Variants in PCSK5 observed in about 807,000 individuals in gnomAD.
The protein encoded by PCSK5 is proprotein convertase subtilisin/kexin type 5, also known as prohormone convertase 5.
Under a neutral mutation model 233.2 loss-of-function variants are expected in PCSK5, and 129 were observed. The observed-to-expected ratio is 0.55, with a 90% confidence interval of 0.48 to 0.64. The LOEUF (loss-of-function observed/expected upper bound fraction) is 0.64, where lower values mean the gene tolerates loss of function less well. Ranked by LOEUF, PCSK5 falls within the 30% of genes least tolerant of loss-of-function variation. The pLI is 0.00. For synonymous variants in PCSK5, 825 were observed against 879.2 expected, an observed-to-expected ratio of 0.94 and a Z score of 1.09; for missense variants, 2,076 against 2,430.1, an observed-to-expected ratio of 0.85 and a Z score of 3.06.
intron 10 of PCSK5, among the ~76,000 whole-genome samples, chr9:76,146,732 C>G (rs529842036): frequency 1.3e-5 from 2 of 152,136 alleles, no homozygotes; most frequent in African/African-American, 4.8e-5. Context: ...GAAAGAAATA[C>G]TGTATGTCTT....
At chr9:75,933,087 G>T (rs1041182917) in intron 2 of PCSK5, among the ~76,000 whole-genome samples, 4 of 152,120 alleles carry the variant, frequency 2.6e-5, no homozygotes, top group Admixed American at 6.6e-5. Context: ...GTACCCCTGG[G>T]AGAGCCTAGA....
chr9:76,332,257 C>T (rs1829557516), intron 33 of PCSK5, among the ~76,000 whole-genome samples, 176 bp from the exon 34 acceptor site: 1 of 152,164 alleles, frequency 6.6e-6, no homozygotes. Flanking sequence ...GGCCTTAGGG[C>T]AATTCTGTTT....
At chr9:76,014,841 A>G (rs1479877300) in intron 3 of PCSK5, among the ~76,000 whole-genome samples, 1 of 152,192 alleles carries the variant, frequency 6.6e-6, no homozygotes, top group African/African-American at 2.4e-5. Flanking sequence ...ATGCCCCATC[A>G]TGAGTCAATG....
chr9:75,938,144 A>G (rs1388120552), intron 2 of PCSK5, among the ~76,000 whole-genome samples: 2 of 152,138 alleles, frequency 1.3e-5, no homozygotes, highest in African/African-American at 2.4e-5. Flanking sequence ...GGCTTTCGAC[A>G]TGTCTTTCTT....
chr9:76,273,576 C>CATATATATATAT (rs34398269), intron 24 of PCSK5, among the ~76,000 whole-genome samples: 31 of 118,152 alleles, frequency 2.6e-4, no homozygotes, highest in African/African-American at 8.2e-4. Context: ...TATATATATA[C>CATATATATATAT]ATATATATAT....
intron 4 of PCSK5, among the ~76,000 whole-genome samples, chr9:76,025,147 C>G (rs1266896702): frequency 1.3e-5 from 2 of 152,046 alleles, no homozygotes; most frequent in Non-Finnish European, 2.9e-5. Context: ...ATTTCAGGCT[C>G]TATGTACTAA....
In PCSK5 at chr9:76,087,228, G is replaced by A. The variant is rs117687797; in HGVS notation, c.895-8662G>A. Among the ~76,000 whole-genome samples the A allele has an allele frequency of 1.9e-3, 287 of 152,312 alleles. 3 individuals are homozygous for A. In the East Asian group the frequency reaches 0.04, roughly 21 times the overall value. On this transcript the variant is annotated intron_variant, in intron 7 of 37. Transcript: ENST00000674117. ...ACCCTTATGAAGAAAGGGCATCTCC[G>A]ATAAGGAAATTGATTCTACTAAGCC...
chr9:76,008,552 C>T (rs968557700), intron 3 of PCSK5, among the ~76,000 whole-genome samples: 1 of 151,962 alleles, frequency 6.6e-6, no homozygotes, highest in South Asian at 2.1e-4. Flanking sequence ...ACCTCTGCCT[C>T]CCAGGTTCAA....
intron 10 of PCSK5, among the ~76,000 whole-genome samples, chr9:76,141,172 G>T (rs1307709472): frequency 6.6e-6 from 1 of 152,038 alleles, no homozygotes; most frequent in Non-Finnish European, 1.5e-5. Flanking sequence ...TAATGAAATT[G>T]AACCACTTAT....
rs116873386 is a variant in PCSK5 at position 75,917,900 on chromosome 9, A to T, written c.193-14479A>T. On this transcript the variant is annotated intron_variant, in intron 1 of 37. Coordinates refer to ENST00000674117, the MANE Select transcript of PCSK5 (RefSeq NM_001372043.1). ...TAAGAAGAGCATTAACCTAAAGTAA[A>T]ATATGGCAGGACTTAATGGTTATGG... Among the ~76,000 whole-genome samples the T allele has an allele frequency of 6.7e-3, 1,013 of 152,284 alleles. 7 individuals carry two copies. The highest frequency in any genetic ancestry group is 8.1e-3 in the Non-Finnish European group (554 of 68,026).
At chr9:75,892,719 A>C (rs1825666772) in intron 1 of PCSK5, among the ~76,000 whole-genome samples, 1 of 152,226 alleles carries the variant, frequency 6.6e-6, no homozygotes, top group Non-Finnish European at 1.5e-5. Flanking sequence ...GAGAGGAGGC[A>C]GAGCTGCTGT....
chr9:76,176,702 T>A (rs1177314533), intron 14 of PCSK5, among the ~76,000 whole-genome samples: 1 of 152,234 alleles, frequency 6.6e-6, no homozygotes, highest in Non-Finnish European at 1.5e-5. Context: ...GCTCTTATAG[T>A]GGAAAATATT....
intron 32 of PCSK5, among the ~76,000 whole-genome samples, chr9:76,327,622 C>A (rs1403310398): frequency 6.6e-6 from 1 of 151,970 alleles, no homozygotes; most frequent in East Asian, 1.9e-4. Flanking sequence ...CAAGGTACTC[C>A]GGAGGTGAGT....
intron 20 of PCSK5, among the ~76,000 whole-genome samples, chr9:76,211,719 A>G (rs1825335651): frequency 6.6e-6 from 1 of 152,192 alleles, no homozygotes; most frequent in African/African-American, 2.4e-5. Flanking sequence ...ATGGCGGTGC[A>G]CGCCTGTGGT....
At chr9:76,222,823 A>G (rs1331361187) in intron 20 of PCSK5, among the ~76,000 whole-genome samples, 4 of 152,078 alleles carry the variant, frequency 2.6e-5, no homozygotes. Context: ...AAGTAGCTGA[A>G]AGTGTTGCTG....
At position 76,023,730 on chromosome 9, in the gene PCSK5, T is replaced by G; in HGVS notation, c.412-8T>G. 6.3e-7 allele frequency: 1 copy of G among 1,597,816 alleles called. No homozygotes were observed. Among genetic ancestry groups the G allele is most frequent in the Non-Finnish European group, 8.5e-7 (1 of 1,173,866 alleles). On this transcript the variant is annotated splice_polypyrimidine_tract_variant and splice_region_variant and intron_variant, in intron 3 of 37. Transcript: ENST00000674117. ...TAGTAATCTTGCAGCATGCTCTTCT[T>G]CTTTCAGCACTGCAGTGACAATACA...
At chr9:75,977,777 A>T (rs147774695) in intron 2 of PCSK5, among the ~76,000 whole-genome samples, 1 of 151,426 alleles carries the variant, frequency 6.6e-6, no homozygotes. Context: ...CGCACGGCTA[A>T]TTTTTTATAT....
chr9:76,210,936 C>T (rs971127231), intron 20 of PCSK5, among the ~76,000 whole-genome samples: 8 of 152,100 alleles, frequency 5.3e-5, no homozygotes, highest in African/African-American at 9.7e-5. Flanking sequence ...GACTCCCTGG[C>T]GCAGGCTCCC....
intron 2 of PCSK5, among the ~76,000 whole-genome samples, chr9:75,945,182 A>G (rs918433931): frequency 6.6e-6 from 1 of 150,714 alleles, no homozygotes; most frequent in Non-Finnish European, 1.5e-5. Flanking sequence ...TATGTCATAC[A>G]TATATAATAT....
Sources: gnomAD v4.1 joint callset for allele counts (sites outside exome capture counted in the v4.1 genomes callset) on GRCh38, gnomAD v4.1.1 for gene constraint, MANE v1.5 for transcripts, NCBI Gene and HGNC (gene_info 2026-07-23, HGNC 2026-07-21) for gene names.